Variants in EPC1 observed in about 807,000 individuals in gnomAD.
The protein encoded by EPC1 is enhancer of polycomb 1, also known as enhancer of polycomb homolog 1.
A neutral mutation model predicts 98.4 loss-of-function variants in EPC1; 12 were observed. The ratio of observed to expected loss-of-function variants is 0.12; its 90% CI spans 0.08 to 0.20. The LOEUF is 0.20. Among genes scored for constraint, EPC1 ranks in the 10% least tolerant of loss-of-function variants. The pLI, the probability that EPC1 is intolerant of heterozygous loss-of-function variation, is 1.00. For synonymous variants in EPC1, 357 were observed against 363.9 expected (o/e 0.98, Z 0.21); for missense variants, 729 against 990.5 (o/e 0.74, Z 3.54).
intron 1 of EPC1, among the ~76,000 whole-genome samples, chr10:32,356,647 CGTGAATTGGAAGTTATAGGCCTAGTG>C (rs1167990799): frequency 6.6e-6 from 1 of 152,092 alleles, no homozygotes; most frequent in Non-Finnish European, 1.5e-5. Context: ...TGAGCTGAGC[CGTGAATTGGAAGTTATAGGCCTAGTG>C]GTGCCTGCGC....
intron 1 of EPC1, chr10:32,345,312 A>T (rs1838692628): frequency 1.0e-6 from 1 of 985,326 alleles, no homozygotes; most frequent in Non-Finnish European, 1.2e-6. Context: ...GATTTAAGAC[A>T]CTACTCTCAA....
chr10:32,338,973 AAATAAT>A (rs749792561), intron 1 of EPC1, among the ~76,000 whole-genome samples: 1 of 151,500 alleles, frequency 6.6e-6, no homozygotes, highest in Non-Finnish European at 1.5e-5. Flanking sequence ...AAAATAATAA[AAATAAT>A]AATAAATTCT....
intron 1 of EPC1, among the ~76,000 whole-genome samples, chr10:32,315,977 T>C (rs949554877): frequency 6.6e-6 from 1 of 152,228 alleles, no homozygotes; most frequent in South Asian, 2.1e-4. Flanking sequence ...TGCACTCCCC[T>C]TTCCTTGTTA....
intron 6 of EPC1, among the ~76,000 whole-genome samples, chr10:32,290,782 CT>C (rs1456671849): frequency 8.9e-4 from 129 of 144,918 alleles, no homozygotes; most frequent in Admixed American, 7.6e-4. Flanking sequence ...CTTTTTTTAT[CT>C]TTTTTTTTTT....
intron 1 of EPC1, among the ~76,000 whole-genome samples, chr10:32,332,755 T>G (rs771458921): frequency 6.6e-6 from 1 of 152,232 alleles, no homozygotes; most frequent in Non-Finnish European, 1.5e-5. Flanking sequence ...TGTTTTAAAC[T>G]GCTACATTTA....
chr10:32,346,014 T>G (rs1838760239), intron 1 of EPC1, among the ~76,000 whole-genome samples: 1 of 152,188 alleles, frequency 6.6e-6, no homozygotes, highest in Admixed American at 6.5e-5. Flanking sequence ...TCAGGGATAG[T>G]GGTTTATTAT....
intron 1 of EPC1, among the ~76,000 whole-genome samples, chr10:32,327,924 T>A (rs1837403671): frequency 6.6e-6 from 1 of 152,220 alleles, no homozygotes; most frequent in South Asian, 2.1e-4. Context: ...GTGCCAATTT[T>A]AAAAACCCTA....
intron 1 of EPC1, among the ~76,000 whole-genome samples, chr10:32,316,406 C>G (rs1007096101): frequency 1.3e-5 from 2 of 152,140 alleles, no homozygotes; most frequent in Non-Finnish European, 2.9e-5. Flanking sequence ...TGGGCCCAAA[C>G]TGGAAGCCAC....
At chr10:32,270,872 T>C (rs1835809296) in intron 13 of EPC1, among the ~76,000 whole-genome samples, 2 of 142,040 alleles carry the variant, frequency 1.4e-5, no homozygotes, top group African/African-American at 5.2e-5. Flanking sequence ...ATACCAGTGA[T>C]GGGGCAGGGG....
At chr10:32,345,586 CTTAGGA>C (rs1436264189) in intron 1 of EPC1, 1 of 985,288 alleles carries the variant, frequency 1.0e-6, no homozygotes, top group Non-Finnish European at 1.2e-6. Context: ...TATGCAATTC[CTTAGGA>C]TTAGAAGTCA....
intron 10 of EPC1, among the ~76,000 whole-genome samples, chr10:32,281,193 T>C (rs1836394476): frequency 1.3e-5 from 2 of 152,106 alleles, no homozygotes; most frequent in Non-Finnish European, 2.9e-5. Context: ...CACCACCACG[T>C]CTGGCTAATT....
intron 1 of EPC1, among the ~76,000 whole-genome samples, chr10:32,346,268 C>A (rs866397450): frequency 1.8e-4 from 28 of 152,328 alleles, no homozygotes; most frequent in African/African-American, 6.5e-4. Flanking sequence ...CAATCAAATT[C>A]CCCGACTGTG....
At chr10:32,317,384 G>A (rs1423593293) in intron 1 of EPC1, among the ~76,000 whole-genome samples, 1 of 152,198 alleles carries the variant, frequency 6.6e-6, no homozygotes, top group Admixed American at 6.5e-5. Flanking sequence ...AATTAAACCT[G>A]TAATCCCAGC....
intron 1 of EPC1, among the ~76,000 whole-genome samples, chr10:32,376,283 C>T (rs1261758116): frequency 6.6e-6 from 1 of 151,902 alleles, no homozygotes; most frequent in African/African-American, 2.4e-5. Flanking sequence ...AGGGGGCTAC[C>T]TTATATACAC....
At chr10:32,296,585 T>C (rs1036402515) in intron 2 of EPC1, among the ~76,000 whole-genome samples, 7 of 152,210 alleles carry the variant, frequency 4.6e-5, no homozygotes, top group Non-Finnish European at 7.3e-5. Context: ...TGCAAGAGGC[T>C]TTTCTTTTAT....
At chr10:32,276,426 C>T (rs1325126333) in intron 10 of EPC1, among the ~76,000 whole-genome samples, 3 of 152,184 alleles carry the variant, frequency 2.0e-5, no homozygotes, top group Non-Finnish European at 4.4e-5. Context: ...GCACGAGAAT[C>T]GCTCGAATCC....
intron 1 of EPC1, among the ~76,000 whole-genome samples, chr10:32,325,269 A>T (rs1837206278): frequency 6.6e-6 from 1 of 152,244 alleles, no homozygotes; most frequent in African/African-American, 2.4e-5. Flanking sequence ...CATCACAGGG[A>T]AGCCTTGTTT....
intron 1 of EPC1, among the ~76,000 whole-genome samples, chr10:32,356,607 T>C: frequency 6.6e-6 from 1 of 152,150 alleles, no homozygotes; most frequent in East Asian, 1.9e-4. Context: ...CCATTTTCTT[T>C]AGGACACCGT....
chr10:32,360,273 A>C (rs1481146403), intron 1 of EPC1, among the ~76,000 whole-genome samples: 1 of 152,194 alleles, frequency 6.6e-6, no homozygotes, highest in Non-Finnish European at 1.5e-5. Context: ...TGTATCATGT[A>C]TATGTCTACA....
Sources: allele counts gnomAD v4.1 joint callset (sites outside exome capture counted in the v4.1 genomes callset), GRCh38; gene constraint gnomAD v4.1.1; transcripts MANE v1.5; gene names NCBI Gene and HGNC (gene_info 2026-07-23, HGNC 2026-07-21).